The following ERBB4 variants were observed in gnomAD, a reference collection of about 807,000 sequenced individuals.
ERBB4 encodes the protein erb-b2 receptor tyrosine kinase 4, also known as receptor tyrosine-protein kinase erbB-4.
ERBB4 carries 42 observed loss-of-function variants against 158.0 expected under a neutral mutation model. The observed-to-expected ratio is 0.27, with a 90% CI of 0.21 to 0.34. The LOEUF (loss-of-function observed/expected upper bound fraction) is 0.34, where lower values mean the gene tolerates loss of function less well. Among genes scored for constraint, ERBB4 ranks in the 10% least tolerant of loss-of-function variants. The probability of loss-of-function intolerance (pLI) is 1.00; values close to 1 mark genes in which losing one functional copy is unlikely to be tolerated. For synonymous variants in ERBB4, 583 were observed against 558.7 expected (o/e 1.04, Z -0.61); for missense variants, 1,333 against 1,624.1 (o/e 0.82, Z 3.08).
chr2:211,865,170 A>G (rs1474722430), intron 3 of ERBB4, among the ~76,000 whole-genome samples: 2 of 151,676 alleles, frequency 1.3e-5, no homozygotes, highest in East Asian at 3.9e-4. Context: ...TCATTAAAGT[A>G]TATATCTATA....
chr2:211,441,833 C>T (rs1574495701), intron 20 of ERBB4, among the ~76,000 whole-genome samples: 3 of 152,138 alleles, frequency 2.0e-5, no homozygotes, highest in East Asian at 1.9e-4. Context: ...ATTCTTGAGT[C>T]CCTAGTAACA....
At chr2:212,486,667 G>A (rs1014760942) in intron 1 of ERBB4, among the ~76,000 whole-genome samples, 2 of 152,110 alleles carry the variant, frequency 1.3e-5, no homozygotes, top group Admixed American at 6.6e-5. Flanking sequence ...TATAAAAAAC[G>A]TGTAGTATTC....
At chr2:212,432,518 CTAAGTGT>C (rs1302274010) in intron 1 of ERBB4, among the ~76,000 whole-genome samples, 2 of 152,144 alleles carry the variant, frequency 1.3e-5, no homozygotes, top group African/African-American at 4.8e-5. Context: ...GTGCATTCTG[CTAAGTGT>C]TAAGTAACTT....
At chr2:212,216,462 G>A (rs2083102644) in intron 1 of ERBB4, among the ~76,000 whole-genome samples, 1 of 151,246 alleles carries the variant, frequency 6.6e-6, no homozygotes, top group African/African-American at 2.4e-5. Context: ...TCACTCCCAT[G>A]TAGAGAGTGG....
chr2:212,015,042 ATAT>A (rs2076482971), intron 2 of ERBB4, among the ~76,000 whole-genome samples: 2 of 11,630 alleles, frequency 1.7e-4, no homozygotes, highest in Non-Finnish European at 3.6e-4. Flanking sequence ...AAAAAAAAAA[ATAT>A]ATATATATAT....
intron 7 of ERBB4, among the ~76,000 whole-genome samples, chr2:211,716,679 A>AAC (rs2106101794): frequency 6.6e-6 from 1 of 151,282 alleles, no homozygotes; most frequent in East Asian, 2.0e-4. Flanking sequence ...CCGTCTCAAA[A>AAC]AACAACAACA....
At chr2:211,949,095 A>G (rs1366059576) in intron 2 of ERBB4, among the ~76,000 whole-genome samples, 1 of 152,102 alleles carries the variant, frequency 6.6e-6, no homozygotes, top group East Asian at 1.9e-4. Flanking sequence ...TATTTGTTCT[A>G]CGTTCAGAAT....
intron 23 of ERBB4, 57 bp downstream of exon 23, chr2:211,424,098 C>A: frequency 1.4e-6 from 2 of 1,481,076 alleles, no homozygotes; most frequent in South Asian, 1.1e-5. Flanking sequence ...ATTGAGTAAT[C>A]TCTGCTATTA....
intron 1 of ERBB4, among the ~76,000 whole-genome samples, chr2:212,328,290 C>T (rs1447312973): frequency 6.6e-6 from 1 of 151,972 alleles, no homozygotes; most frequent in Non-Finnish European, 1.5e-5. Flanking sequence ...AGTCAAACTA[C>T]TAATGCAGTG....
chr2:211,468,073 T>A (rs766987836), intron 20 of ERBB4, among the ~76,000 whole-genome samples: 39 of 152,146 alleles, frequency 2.6e-4, no homozygotes, highest in African/African-American at 9.2e-4. Context: ...GAAAAAGACA[T>A]GTAATTAGAT....
Position 211,378,113 on chromosome 2 carries a change from C to T in ERBB4, c.*5502G>A, listed in dbSNP as rs2062510616. On this transcript the variant is annotated 3_prime_UTR_variant, in exon 28 of 28. Transcript: ENST00000342788. Reference sequence around the variant, plus strand: ...CCAGGGTGGTAGAAAGGGAAGAGAGCAGTGCCAGTTGTGTCAATGGGCAAA... The same window carrying T: ...CCAGGGTGGTAGAAAGGGAAGAGAGTAGTGCCAGTTGTGTCAATGGGCAAA... 1.3e-5 allele frequency: 3 copies of T among 233,062 alleles called. No homozygotes were observed. Among genetic ancestry groups the T allele is most frequent in the Admixed American group, 5.6e-5 (1 of 17,724 alleles). 14.4% of individuals were successfully genotyped at this position (233,062 alleles called of 1,614,324 possible). A position where few individuals can be genotyped will look rare whatever the true frequency, so the allele number is the denominator to read the frequency against.
intron 3 of ERBB4, among the ~76,000 whole-genome samples, chr2:211,789,598 T>C (rs1053174868): frequency 2.0e-5 from 3 of 152,082 alleles, no homozygotes; most frequent in Non-Finnish European, 2.9e-5. Flanking sequence ...GCAAGAGAGA[T>C]TGAATAAGTA....
intron 2 of ERBB4, among the ~76,000 whole-genome samples, chr2:212,095,895 A>G (rs974030783): frequency 4.1e-4 from 61 of 150,206 alleles, no homozygotes; most frequent in African/African-American, 1.5e-3. Context: ...AGATGGTGCT[A>G]CTGCACTCCA....
Position 211,459,132 on chromosome 2 carries a change from T to C in ERBB4, c.2488-28032A>G, listed in dbSNP as rs192570989. On this transcript the variant is annotated intron_variant, in intron 20 of 27. Transcript: ENST00000342788. ...TCTGTGTTTGAAGTTTCACATCACC[T>C]CAAATAATTGACTGATTATATAGCA... is the stretch of plus-strand genomic sequence containing the variant. Among the ~76,000 whole-genome samples the C allele has an allele frequency of 1.8e-3, 280 of 152,282 alleles. 1 individual carries two copies. Among genetic ancestry groups the C allele is most frequent in the Non-Finnish European group, 3.1e-3 (210 of 68,028 alleles).
chr2:212,065,226 T>G (rs780918144), intron 2 of ERBB4, among the ~76,000 whole-genome samples: 3 of 152,048 alleles, frequency 2.0e-5, no homozygotes, highest in Non-Finnish European at 2.9e-5. Flanking sequence ...TGGAAGTTAG[T>G]TTGCCGCTAA....
At chr2:211,785,453 C>G (rs2076138189) in intron 4 of ERBB4, among the ~76,000 whole-genome samples, 2 of 152,136 alleles carry the variant, frequency 1.3e-5, no homozygotes, top group Non-Finnish European at 2.9e-5. Flanking sequence ...TTAGCTTTTG[C>G]TGTTGGTGTT....
chr2:212,135,109 T>C (rs991219224), intron 1 of ERBB4, among the ~76,000 whole-genome samples: 21 of 152,210 alleles, frequency 1.4e-4, no homozygotes, highest in Non-Finnish European at 1.0e-4. Flanking sequence ...AGATGAAAGA[T>C]AAATCAATAT....
intron 1 of ERBB4, among the ~76,000 whole-genome samples, chr2:212,220,471 A>C (rs1207945182): frequency 2.0e-5 from 3 of 151,366 alleles, no homozygotes; most frequent in Non-Finnish European, 4.4e-5. Context: ...TCCCAGCCTA[A>C]GAGTTAATTC....
At chr2:211,623,784 C>A in intron 18 of ERBB4, 138 bp downstream of exon 18, 1 of 803,052 alleles carries the variant, frequency 1.2e-6, no homozygotes. Context: ...TGTGCAGCAA[C>A]TTCTCAATAT....
Sources: allele counts gnomAD v4.1 joint callset (sites outside exome capture counted in the v4.1 genomes callset), GRCh38; gene constraint gnomAD v4.1.1; transcripts MANE v1.5; gene names NCBI Gene and HGNC (gene_info 2026-07-23, HGNC 2026-07-21).